SPAG16: variants seen among roughly 807,000 people sequenced by gnomAD.
SPAG16 encodes the protein sperm-associated antigen 16 protein.
SPAG16 carries 86 observed loss-of-function variants against 80.4 expected under a neutral mutation model. The ratio of observed to expected loss-of-function variants is 1.07; its 90% CI spans 0.90 to 1.28. SPAG16 has a LOEUF of 1.28. Among genes scored for constraint, SPAG16 ranks in the 50% most tolerant of loss-of-function variants. The pLI, the probability that SPAG16 is intolerant of heterozygous loss-of-function variation, is 0.00. For synonymous variants in SPAG16, 294 were observed against 265.9 expected (o/e 1.11, Z -1.03); for missense variants, 870 against 765.3 (o/e 1.14, Z -1.61).
intron 9 of SPAG16, among the ~76,000 whole-genome samples, chr2:213,464,523 G>C (rs112180010): frequency 0.02 from 3,090 of 152,256 alleles, 44 homozygotes; most frequent in Middle Eastern, 0.051. Flanking sequence ...TCACCTCAGA[G>C]ACTTTCTCTG....
chr2:214,141,879 A>G (rs1034031014), intron 14 of SPAG16, among the ~76,000 whole-genome samples: 3 of 152,190 alleles, frequency 2.0e-5, no homozygotes, highest in Non-Finnish European at 4.4e-5. Flanking sequence ...TATGCATTAT[A>G]CTCAATATTT....
chr2:214,103,798 G>A (rs1414072770), intron 13 of SPAG16, among the ~76,000 whole-genome samples: 1 of 152,102 alleles, frequency 6.6e-6, no homozygotes, highest in Admixed American at 6.6e-5. Flanking sequence ...TATGTAGGGG[G>A]CAGGGAGGGC....
chr2:214,226,317 T>G (rs140687726), intron 15 of SPAG16, among the ~76,000 whole-genome samples: 2,728 of 152,130 alleles, frequency 0.018, 53 homozygotes, highest in African/African-American at 0.043. Context: ...ACATACTTTT[T>G]CAAACCTCTG....
chr2:213,496,287 A>C (rs972618117), intron 10 of SPAG16, among the ~76,000 whole-genome samples: 1 of 152,162 alleles, frequency 6.6e-6, no homozygotes, highest in African/African-American at 2.4e-5. Flanking sequence ...GAGTGAAAGA[A>C]AGAATTTAAG....
chr2:214,154,968 C>A (rs2056148447), intron 15 of SPAG16, among the ~76,000 whole-genome samples: 1 of 152,080 alleles, frequency 6.6e-6, no homozygotes, highest in African/African-American at 2.4e-5. Flanking sequence ...AGAAAGTAAA[C>A]AAGGTGAGCC....
intron 10 of SPAG16, among the ~76,000 whole-genome samples, chr2:213,854,519 TC>T (rs2075062830): frequency 6.6e-6 from 1 of 152,196 alleles, no homozygotes; most frequent in African/African-American, 2.4e-5. Context: ...GGGCCATTCT[TC>T]AAATCTAGGC....
intron 10 of SPAG16, among the ~76,000 whole-genome samples, chr2:213,790,583 TTATAA>T (rs2070633963): frequency 6.6e-6 from 1 of 151,966 alleles, no homozygotes; most frequent in Non-Finnish European, 1.5e-5. Flanking sequence ...CTAACAGTTA[TTATAA>T]TATTTGTTTT....
At chr2:213,986,909 A>C (rs958849877) in intron 12 of SPAG16, among the ~76,000 whole-genome samples, 2 of 150,798 alleles carry the variant, frequency 1.3e-5, no homozygotes, top group African/African-American at 4.9e-5. Context: ...AAAAAAAAAA[A>C]AAAAAAAAAT....
intron 10 of SPAG16, among the ~76,000 whole-genome samples, chr2:213,821,413 T>C (rs2072926007): frequency 6.6e-6 from 1 of 152,122 alleles, no homozygotes; most frequent in Non-Finnish European, 1.5e-5. Context: ...TAAGTTCTTT[T>C]TTAAATTTTT....
chr2:213,341,985 AAC>A (rs2064708928), intron 6 of SPAG16, among the ~76,000 whole-genome samples: 1 of 152,150 alleles, frequency 6.6e-6, no homozygotes, highest in South Asian at 2.1e-4. Context: ...AAATAGATTA[AAC>A]AGAGTTTTTC....
chr2:213,375,740 G>C (rs964081239), intron 9 of SPAG16, among the ~76,000 whole-genome samples: 1 of 151,818 alleles, frequency 6.6e-6, no homozygotes, highest in Non-Finnish European at 1.5e-5. Flanking sequence ...TAAGGCAGTT[G>C]TTACCTTAGA....
At chr2:213,846,358 CT>C (rs2125770685) in intron 10 of SPAG16, among the ~76,000 whole-genome samples, 1 of 151,956 alleles carries the variant, frequency 6.6e-6, no homozygotes, top group Admixed American at 6.5e-5. Context: ...CTGAAATTAC[CT>C]GCCAGTAGTA....
At chr2:213,833,441 G>A (rs1319899823) in intron 10 of SPAG16, among the ~76,000 whole-genome samples, 73 of 3,960 alleles carry the variant, frequency 0.018, 5 homozygotes, top group Non-Finnish European at 0.056. Flanking sequence ...ATGTGTGTGT[G>A]TATATATATA....
At chr2:214,349,192 A>G (rs1240855742) in intron 15 of SPAG16, among the ~76,000 whole-genome samples, 1 of 152,174 alleles carries the variant, frequency 6.6e-6, no homozygotes, top group Non-Finnish European at 1.5e-5. Flanking sequence ...AGTCCCCAGA[A>G]TCCTTGAATT....
intron 15 of SPAG16, among the ~76,000 whole-genome samples, chr2:214,404,630 T>A (rs1701893454): frequency 6.6e-6 from 1 of 152,102 alleles, no homozygotes; most frequent in South Asian, 2.1e-4. Flanking sequence ...ATTGTGGACA[T>A]AACAGTTGGA....
chr2:213,628,022 A>G (rs115647542), intron 10 of SPAG16, among the ~76,000 whole-genome samples: 1,871 of 152,370 alleles, frequency 0.012, 23 homozygotes, highest in Middle Eastern at 0.071. Flanking sequence ...AAAGTAAGAC[A>G]TGAGCCTTAG....
chr2:213,484,999 CTTT>C (rs555509262), intron 9 of SPAG16, among the ~76,000 whole-genome samples: 1 of 145,168 alleles, frequency 6.9e-6, no homozygotes, highest in Admixed American at 6.9e-5. Flanking sequence ...TTTTTCTTTT[CTTT>C]TTTTTTTTTG....
intron 5 of SPAG16, among the ~76,000 whole-genome samples, chr2:213,335,722 C>T (rs1257070001): frequency 1.3e-5 from 2 of 152,014 alleles, no homozygotes; most frequent in African/African-American, 4.8e-5. Flanking sequence ...AGATTGTTGG[C>T]ATGAAAATGA....
intron 14 of SPAG16, among the ~76,000 whole-genome samples, chr2:214,136,180 G>A (rs1021610375): frequency 2.6e-5 from 4 of 152,102 alleles, no homozygotes; most frequent in Non-Finnish European, 4.4e-5. Flanking sequence ...AACCATTCAT[G>A]AGTGAGCCAC....
Sources: allele counts gnomAD v4.1 joint callset (sites outside exome capture counted in the v4.1 genomes callset), GRCh38; gene constraint gnomAD v4.1.1; transcripts MANE v1.5; gene names NCBI Gene and HGNC (gene_info 2026-07-23, HGNC 2026-07-21).